The following MAPK4 variants were observed in gnomAD, a reference collection of about 807,000 sequenced individuals.
MAPK4 encodes the protein mitogen-activated protein kinase 4.
Under a neutral mutation model 47.7 loss-of-function variants are expected in MAPK4, and 22 were observed. The ratio of observed to expected loss-of-function variants is 0.46; its 90% CI spans 0.33 to 0.66. The LOEUF (loss-of-function observed/expected upper bound fraction) is 0.66. MAPK4 is among the 30% of genes least tolerant of loss of function. The pLI is 0.02. For synonymous variants in MAPK4, 390 were observed against 365.7 expected (o/e 1.07, Z -0.76); for missense variants, 736 against 831.7 (o/e 0.88, Z 1.42).
intron 5 of MAPK4, 36 bp from the exon 6 acceptor site, chr18:50,729,122 G>T: frequency 6.6e-7 from 1 of 1,505,126 alleles, no homozygotes; most frequent in Non-Finnish European, 9.0e-7. Flanking sequence ...TACCTGGCTT[G>T]GGCATCCAAT....
chr18:50,685,306 C>T (rs546235954), intron 2 of MAPK4, among the ~76,000 whole-genome samples: 1 of 152,356 alleles, frequency 6.6e-6, no homozygotes, highest in South Asian at 2.1e-4. Context: ...GTTAACTGTG[C>T]CACCTCAAGC....
chr18:50,585,972 G>A (rs1392653629), intron 1 of MAPK4, among the ~76,000 whole-genome samples: 1 of 152,140 alleles, frequency 6.6e-6, no homozygotes, highest in African/African-American at 2.4e-5. Context: ...ATGACACATG[G>A]GGATTATGGG....
intron 1 of MAPK4, among the ~76,000 whole-genome samples, chr18:50,651,388 A>G (rs1380875586): frequency 6.6e-6 from 1 of 152,124 alleles, no homozygotes; most frequent in Non-Finnish European, 1.5e-5. Context: ...ACGGGCCCTG[A>G]CCATCAAGAC....
chr18:50,729,626 C>T lies in MAPK4; in HGVS notation c.1536C>T (p.Asp512=). Residue 512 remains aspartate, a synonymous_variant, in exon 6 of 6, where the codon GAC becomes GAT. Transcript: ENST00000400384. ...GGPEHASPPA[D]DPERRLSASP... ...CAGAGCACGCCAGCCCGCCCGCCGA[C>T]GACCCCGAGCGCCGCTTGTCTGCCT... is the stretch of plus-strand genomic sequence containing the variant. 2.1e-6 allele frequency: 3 copies of T among 1,396,798 alleles called. No homozygotes were observed. The highest frequency in any genetic ancestry group is 2.8e-6 in the Non-Finnish European group (3 of 1,077,648). 86.5% of individuals were successfully genotyped at this position (1,396,798 alleles called of 1,614,324 possible). A position where few individuals can be genotyped will look rare whatever the true frequency, so the allele number is the denominator to read the frequency against.
intron 1 of MAPK4, among the ~76,000 whole-genome samples, chr18:50,641,410 A>T (rs1307838197): frequency 2.6e-5 from 4 of 152,312 alleles, no homozygotes; most frequent in Admixed American, 6.5e-5. Flanking sequence ...TGAACTTTTT[A>T]AAAAATCTAT....
intron 3 of MAPK4, among the ~76,000 whole-genome samples, chr18:50,715,596 C>T (rs1910596287): frequency 6.6e-6 from 1 of 152,104 alleles, no homozygotes; most frequent in Non-Finnish European, 1.5e-5. Context: ...GGGATTAGTG[C>T]CCTTGTAAAT....
intron 2 of MAPK4, among the ~76,000 whole-genome samples, chr18:50,694,011 G>A (rs1909373565): frequency 6.6e-6 from 1 of 152,236 alleles, no homozygotes; most frequent in Non-Finnish European, 1.5e-5. Context: ...CAGGGCTGTG[G>A]CTTCTTGCCT....
chr18:50,683,453 GGTGTGTGTGTGTGT>G (rs3045776), intron 2 of MAPK4, among the ~76,000 whole-genome samples: 5 of 142,152 alleles, frequency 3.5e-5, no homozygotes, highest in African/African-American at 1.1e-4. Context: ...TTGGTGATGG[GGTGTGTGTGTGTGT>G]GTGTGTGTGT....
At chr18:50,647,031 C>T (rs1222668028) in intron 1 of MAPK4, among the ~76,000 whole-genome samples, 2 of 152,224 alleles carry the variant, frequency 1.3e-5, no homozygotes, top group African/African-American at 4.8e-5. Context: ...TCTGCCCCTC[C>T]ACTCCCAGAC....
At chr18:50,633,613 A>G (rs1448342549) in intron 1 of MAPK4, among the ~76,000 whole-genome samples, 9 of 152,274 alleles carry the variant, frequency 5.9e-5, no homozygotes, top group African/African-American at 1.7e-4. Context: ...GGCTGCTGCC[A>G]GATTAATCTC....
At chr18:50,675,503 T>A (rs1908212638) in intron 2 of MAPK4, among the ~76,000 whole-genome samples, 1 of 151,324 alleles carries the variant, frequency 6.6e-6, no homozygotes, top group Admixed American at 6.6e-5. Flanking sequence ...TATTTATTTA[T>A]TTTTTTTGAG....
chr18:50,694,183 C>T (rs1354043905), intron 2 of MAPK4, among the ~76,000 whole-genome samples: 1 of 152,212 alleles, frequency 6.6e-6, no homozygotes, highest in Non-Finnish European at 1.5e-5. Context: ...CTCTGAAAAA[C>T]TTGGCCATCA....
At chr18:50,650,091 C>T (rs750124586) in intron 1 of MAPK4, among the ~76,000 whole-genome samples, 4 of 152,186 alleles carry the variant, frequency 2.6e-5, no homozygotes, top group Non-Finnish European at 5.9e-5. Context: ...TGGCTACTGG[C>T]AGGATTGCAT....
At chr18:50,569,315 TGCTTC>T (rs1158849809) in intron 1 of MAPK4, among the ~76,000 whole-genome samples, 2 of 152,238 alleles carry the variant, frequency 1.3e-5, no homozygotes, top group African/African-American at 2.4e-5. Flanking sequence ...AAAATCATAG[TGCTTC>T]ATATAATTAG....
At chr18:50,585,646 C>T (rs1450327803) in intron 1 of MAPK4, among the ~76,000 whole-genome samples, 1 of 152,172 alleles carries the variant, frequency 6.6e-6, no homozygotes, top group Non-Finnish European at 1.5e-5. Flanking sequence ...TAAGGCTATA[C>T]TTGATCAATA....
intron 5 of MAPK4, among the ~76,000 whole-genome samples, chr18:50,726,630 G>T (rs1911215131): frequency 6.6e-6 from 1 of 152,184 alleles, no homozygotes; most frequent in Non-Finnish European, 1.5e-5. Context: ...AGGTTCGGTG[G>T]CTCATATCTG....
At chr18:50,595,277 C>A (rs2042472017) in intron 1 of MAPK4, among the ~76,000 whole-genome samples, 1 of 152,146 alleles carries the variant, frequency 6.6e-6, no homozygotes, top group Non-Finnish European at 1.5e-5. Flanking sequence ...ATAATAATCC[C>A]AAGTTGAAAT....
chr18:50,596,260 T>C (rs2042480941), intron 1 of MAPK4, among the ~76,000 whole-genome samples: 1 of 152,184 alleles, frequency 6.6e-6, no homozygotes, highest in Non-Finnish European at 1.5e-5. Context: ...AGCTGGAGTT[T>C]GAGTCCTGGC....
intron 1 of MAPK4, among the ~76,000 whole-genome samples, chr18:50,657,210 A>G (rs780235272): frequency 6.6e-6 from 1 of 152,204 alleles, no homozygotes; most frequent in Non-Finnish European, 1.5e-5. Context: ...GAACAGGATC[A>G]TATGACCACC....
Sources: allele counts gnomAD v4.1 joint callset (sites outside exome capture counted in the v4.1 genomes callset), GRCh38; gene constraint gnomAD v4.1.1; transcripts MANE v1.5; gene names NCBI Gene and HGNC (gene_info 2026-07-23, HGNC 2026-07-21).